The following RIMBP2 variants were observed in gnomAD, a reference collection of about 807,000 sequenced individuals.
RIMBP2 encodes RIMS-binding protein 2.
Under a neutral mutation model 118.6 loss-of-function variants are expected in RIMBP2, and 48 were observed. The ratio of observed to expected loss-of-function variants is 0.40; its 90% confidence interval spans 0.32 to 0.51. RIMBP2 has a LOEUF of 0.51. RIMBP2 is among the 20% of genes least tolerant of loss of function. The pLI is 0.41. For missense variants in RIMBP2, 1,551 were observed against 1,768.3 expected (o/e 0.88, Z 2.20); for synonymous variants, 762 against 742.9 (o/e 1.03, Z -0.42).
At chr12:130,406,587 A>C (rs1004232611) in intron 20 of RIMBP2, among the ~76,000 whole-genome samples, 1 of 152,238 alleles carries the variant, frequency 6.6e-6, no homozygotes, top group Non-Finnish European at 1.5e-5. Context: ...CTGCAGTATA[A>C]GGACCATTAC....
rs2078600278 is a variant in RIMBP2, at chr12:130,447,198, T to C, written c.582-1929A>G. On this transcript the variant is annotated intron_variant, in intron 9 of 22. Transcript: ENST00000690449. This position sits in a 1 kb window ranked among gnomAD's most constrained non-coding sequence, Gnocchi z 4.4. ...GGGAGCAGGTAGGGAAGACACACCC[T>C]GAGAGCTTGAGAGGGAAGCCGCGGA... 1.3e-5 allele frequency among the ~76,000 whole-genome samples: 2 copies of C among 151,442 alleles called. No individual in the cohort carries two copies. Among genetic ancestry groups the C allele is most frequent in the South Asian group, 2.1e-4 (1 of 4,742 alleles).
At chr12:130,537,097 G>A (rs1480513437) in intron 2 of RIMBP2, among the ~76,000 whole-genome samples, 2 of 152,176 alleles carry the variant, frequency 1.3e-5, no homozygotes, top group Non-Finnish European at 2.9e-5. Context: ...GGAGGCATGA[G>A]GGCCAGATGC....
At chr12:130,651,042 G>A (rs76837233) in intron 1 of RIMBP2, among the ~76,000 whole-genome samples, 2,738 of 151,726 alleles carry the variant, frequency 0.018, 44 homozygotes, top group Middle Eastern at 0.048. Context: ...GGCTGAGAAA[G>A]CTTCCGAGCC....
chr12:130,512,931 C>T (rs1003826819), intron 3 of RIMBP2, among the ~76,000 whole-genome samples: 1 of 152,050 alleles, frequency 6.6e-6, no homozygotes, highest in Non-Finnish European at 1.5e-5. Context: ...CTAAGCCTCA[C>T]GAATCCCAAA....
intron 2 of RIMBP2, among the ~76,000 whole-genome samples, chr12:130,542,166 G>A (rs2054680563): frequency 1.3e-5 from 2 of 152,228 alleles, no homozygotes; most frequent in Admixed American, 1.3e-4. Flanking sequence ...AGAGGGGAAA[G>A]GATGCTGGCT....
At position 130,406,187 on chromosome 12, in the gene RIMBP2, T is replaced by C. The variant is rs1270929834; in HGVS notation, c.3750A>G (p.Glu1250=). ...DIITVFGEID[E]DGFYYGELNG... ...AAAAACTTACATAATAAAATCCATC[T>C]TCATCAATTTCACCAAAAACTGTAA... The change falls in exon 21 of 23, where the codon GAA becomes GAG. Residue 1250 remains glutamate, a synonymous_variant. Coordinates refer to ENST00000690449, the MANE Select transcript of RIMBP2 (RefSeq NM_001393629.1). The C allele has an allele frequency of 1.3e-6, 2 of 1,581,658 alleles. No individual in the cohort carries two copies. The highest frequency in any genetic ancestry group is 1.7e-6 in the Non-Finnish European group (2 of 1,152,348).
rs376092114 is a variant in RIMBP2, at chr12:130,532,045, A to G, written c.-216-14128T>C. On this transcript the variant is annotated intron_variant, in intron 2 of 22. Coordinates refer to ENST00000690449, the MANE Select transcript of RIMBP2 (RefSeq NM_001393629.1). Reference sequence around the variant, plus strand: ...AGGAGGGACGTCTAATGAGATGCGTATGTTTAGCCTCTAGGAGGTACGTCT... The same window carrying G: ...AGGAGGGACGTCTAATGAGATGCGTGTGTTTAGCCTCTAGGAGGTACGTCT... Among the ~76,000 whole-genome samples, 313 of 55,570 alleles carry G rather than the reference A, an allele frequency of 5.6e-3. 1 individual carries two copies. Among genetic ancestry groups the G allele is most frequent in the East Asian group, 0.025 (32 of 1,272 alleles). The allele number at this position is 55,570 out of a possible 152,430, so 36.5% of individuals were successfully genotyped here.
Position 130,639,383 on chromosome 12 carries a change from T to TA in RIMBP2, c.-351-10928dup, listed in dbSNP as rs59431769. Among the ~76,000 whole-genome samples the TA allele has an allele frequency of 7.1e-3, 931 of 130,860 alleles. 21 individuals are homozygous for TA. Among genetic ancestry groups the TA allele is most frequent in the African/African-American group, 0.025 (838 of 33,902 alleles). 85.8% of individuals were successfully genotyped at this position (130,860 alleles called of 152,430 possible). A position where few individuals can be genotyped will look rare whatever the true frequency, so the allele number is the denominator to read the frequency against. ...CAGCCTGGGCAATAAAACTCCATCT[T>TA]AAAAAAAAAAAAAATCTATTGGCCA... is the stretch of plus-strand genomic sequence containing the variant. On this transcript the variant is annotated intron_variant, in intron 1 of 22. Coordinates refer to ENST00000690449, the MANE Select transcript of RIMBP2 (RefSeq NM_001393629.1).
In RIMBP2 at chr12:130,451,248, T is replaced by C. The variant is rs778440203; in HGVS notation, c.451A>G (p.Lys151Glu). ...PGDRPEPLSA[K>E]PTFLSRSGSA... ...CCGGATCTCGACAGGAAGGTGGGCT[T>C]GGCGGACAGAGGCTCCGGCCTGTCA... Residue 151 changes from lysine to glutamate, a missense_variant, in exon 8 of 23, where the codon AAG (lysine) becomes GAG (glutamate). This residue lies in a region of RIMBP2 where 239 missense variants were observed against 256.8 expected (regional missense o/e 0.93). Transcript: ENST00000690449. 1 of 1,614,174 alleles carries C rather than the reference T, an allele frequency of 6.2e-7. No homozygotes were observed. The highest frequency in any genetic ancestry group is 8.5e-7 in the Non-Finnish European group (1 of 1,180,018).
In RIMBP2 at chr12:130,617,984, G is replaced by C. The variant is rs1045204640; in HGVS notation, c.-217+10338C>G. Among the ~76,000 whole-genome samples, 9 of 93,504 alleles carry C rather than the reference G, an allele frequency of 9.6e-5. No individual in the cohort carries two copies. The highest frequency in any genetic ancestry group is 1.9e-4 in the Non-Finnish European group (9 of 47,436). The allele number at this position is 93,504 out of a possible 152,430, so 61.3% of individuals were successfully genotyped here. On this transcript the variant is annotated intron_variant, in intron 2 of 22. Transcript: ENST00000690449. The surrounding 1 kb of genome is among the most constrained non-coding windows in gnomAD (Gnocchi z 4.6). ...AGGCGGGAGGATCACTTGAGCCCAG[G>C]AGTTTGAGACCAGCCTGGGCAACAT... is the stretch of plus-strand genomic sequence containing the variant.
chr12:130,521,670 C>T (rs763521775), intron 2 of RIMBP2, among the ~76,000 whole-genome samples: 1 of 152,180 alleles, frequency 6.6e-6, no homozygotes, highest in East Asian at 1.9e-4. Flanking sequence ...TGACAGGAAG[C>T]CCATGACTCC....
intron 2 of RIMBP2, among the ~76,000 whole-genome samples, chr12:130,610,551 CTTTTTTTTTTT>C (rs386378269): frequency 2.5e-5 from 2 of 81,548 alleles, no homozygotes; most frequent in Admixed American, 1.7e-4. Context: ...AATTTTCCTG[CTTTTTTTTTTT>C]TTTTTTTTTT....
At chr12:130,662,572 C>T (rs1042605287) in intron 1 of RIMBP2, among the ~76,000 whole-genome samples, 12 of 152,086 alleles carry the variant, frequency 7.9e-5, no homozygotes, top group Non-Finnish European at 1.2e-4. Flanking sequence ...AGGAGAATCA[C>T]TGGAACCCGG....
chr12:130,570,407 C>T (rs1053026939), intron 2 of RIMBP2, among the ~76,000 whole-genome samples: 2 of 152,154 alleles, frequency 1.3e-5, no homozygotes, highest in Non-Finnish European at 2.9e-5. Flanking sequence ...GCCTGGGCAA[C>T]AGAGCTAGAC....
chr12:130,695,008 T>A (rs2065499645), intron 1 of RIMBP2, among the ~76,000 whole-genome samples: 1 of 152,202 alleles, frequency 6.6e-6, no homozygotes, highest in Non-Finnish European at 1.5e-5. Context: ...TTCCCGTCAG[T>A]GTCGCTCCCA....
At chr12:130,582,340 C>T (rs1318696684) in intron 2 of RIMBP2, among the ~76,000 whole-genome samples, 2 of 152,156 alleles carry the variant, frequency 1.3e-5, no homozygotes, top group Non-Finnish European at 2.9e-5. Flanking sequence ...AATCTTGTTT[C>T]CTTCATTTCA....
intron 1 of RIMBP2, among the ~76,000 whole-genome samples, chr12:130,628,709 G>A (rs1379619202): frequency 6.6e-6 from 1 of 152,100 alleles, no homozygotes; most frequent in Admixed American, 6.5e-5. Context: ...ATACAACACA[G>A]CCATTGACAT....
intron 4 of RIMBP2, among the ~76,000 whole-genome samples, chr12:130,502,842 T>G (rs1291114839): frequency 6.6e-6 from 1 of 152,112 alleles, no homozygotes; most frequent in African/African-American, 2.4e-5. Context: ...AATAAGCAGC[T>G]CATGGCCCAG....
chr12:130,438,349 C>A lies in RIMBP2; in HGVS notation c.1656+16G>T. On this transcript the variant is annotated intron_variant, in intron 12 of 22. Transcript: ENST00000690449. Reference sequence around the variant, plus strand: ...GGGCCTAACAAACCCTCCCCACCCACCCAACGAAAACTCACCCTCTGCCCT... The same window carrying A: ...GGGCCTAACAAACCCTCCCCACCCAACCAACGAAAACTCACCCTCTGCCCT... 1.9e-6 allele frequency: 3 copies of A among 1,566,870 alleles called. No individual in the cohort carries two copies. Among genetic ancestry groups the A allele is most frequent in the Non-Finnish European group, 1.8e-6 (2 of 1,137,546 alleles).
Sources: gnomAD v4.1 joint callset for allele counts (sites outside exome capture counted in the v4.1 genomes callset) on GRCh38, gnomAD v4.1.1 for gene constraint, gnomAD v4.1.1 regional missense constraint, Gnocchi (gnomAD v3.1) non-coding constraint, MANE v1.5 for transcripts, NCBI Gene and HGNC (gene_info 2026-07-23, HGNC 2026-07-21) for gene names.